The following MUC12 variants were observed in gnomAD, a reference collection of about 807,000 sequenced individuals.
MUC12 encodes the protein mucin 12, cell surface associated.
MUC12 carries 172 observed loss-of-function variants against 230.8 expected under a neutral mutation model. The ratio of observed to expected loss-of-function variants is 0.75; its 90% CI spans 0.66 to 0.85. The LOEUF (loss-of-function observed/expected upper bound fraction) is 0.85, where lower values mean the gene tolerates loss of function less well. Among genes scored for constraint, MUC12 ranks in the 40% least tolerant of loss-of-function variants. MUC12 has a pLI of 0.00. For synonymous variants in MUC12, 1,259 were observed against 2,401.9 expected, an observed-to-expected ratio of 0.52 and a Z score of 13.91; for missense variants, 3,506 against 5,920.6, an observed-to-expected ratio of 0.59 and a Z score of 13.38.
chr7:100,995,313 G>A lies in MUC12; in HGVS notation c.4750G>A (p.Gly1584Ser). The change falls in exon 2 of 12, where the codon GGC (glycine) becomes AGC (serine). Residue 1584 changes from glycine to serine, a missense_variant. By Grantham distance (56) the Gly-to-Ser change is moderately conservative. Coordinates refer to ENST00000536621, the MANE Select transcript of MUC12 (RefSeq NM_001164462.2). ...EESTTSHSRP[G>S]STHTTAFPGS... is the part of the protein sequence containing the mutation. ...ATCCACCACCTCCCACAGCCGACCA[G>A]GCTCAACGCACACAACAGCATTCCC... 6.5e-7 allele frequency: 1 copy of A among 1,529,038 alleles called. No homozygotes were observed. The highest frequency in any genetic ancestry group is 1.2e-5 in the South Asian group (1 of 83,536). The allele number at this position is 1,529,038 out of a possible 1,614,324, so 94.7% of individuals were successfully genotyped here.
At chr7:100,973,032 T>A (rs200896810) in intron 1 of MUC12, 2,365 of 614,502 alleles carry the variant, frequency 3.8e-3, no homozygotes, top group Middle Eastern at 0.035. Flanking sequence ...CTGGGGAGAG[T>A]GTGGTGGTGC....
chr7:101,003,472 C>A lies in MUC12; in HGVS notation c.12909C>A (p.Val4303=). The change falls in exon 2 of 12, where the codon GTC becomes GTA. Residue 4303 remains valine (V), a synonymous_variant. Transcript: ENST00000536621. ...GCCTCCTTGAAGCATCTACACCCGT[C>A]CACAGCAGCACTGGATCGCCACACA... ...ASGLLEASTP[V]HSSTGSPHTT... is the part of the protein sequence containing the mutation. 28 of 1,434,928 alleles carry A rather than the reference C, an allele frequency of 2.0e-5. 4 individuals carry two copies. The highest frequency in any genetic ancestry group is 2.5e-5 in the Non-Finnish European group (27 of 1,067,680). The allele number at this position is 1,434,928 out of a possible 1,614,324, so 88.9% of individuals were successfully genotyped here. A position where few individuals can be genotyped will look rare whatever the true frequency, so the allele number is the denominator to read the frequency against.
At position 100,995,910 on chromosome 7, in the gene MUC12, C is replaced by T. The variant is rs1338907342; in HGVS notation, c.5347C>T (p.His1783Tyr). ...HSSPGSTQTM[H>Y]FPESSTASGR... ...CAGCCCGGGCTCAACTCAAACAATGCACTTCCCTGAAAGCTCCACAGCTTC... is the reference window on the plus strand; with the variant it reads ...CAGCCCGGGCTCAACTCAAACAATGTACTTCCCTGAAAGCTCCACAGCTTC... The change falls in exon 2 of 12, where the codon CAC becomes TAC. Residue 1783 changes from histidine (H) to tyrosine (Y), a missense_variant. Transcript: ENST00000536621. 1.4e-5 allele frequency: 19 copies of T among 1,327,428 alleles called. No individual in the cohort carries two copies. The highest frequency in any genetic ancestry group is 1.8e-5 in the Non-Finnish European group (18 of 984,384). The allele number at this position is 1,327,428 out of a possible 1,614,324, so 82.2% of individuals were successfully genotyped here.
Position 100,969,627 on chromosome 7 carries a change from T to C in MUC12, c.5T>C (p.Leu2Pro). 1 of 1,537,438 alleles carries C rather than the reference T, an allele frequency of 6.5e-7. No homozygotes were observed. The change falls in exon 1 of 12, where the codon CTG becomes CCG. Residue 2 changes from leucine (L) to proline (P), a missense_variant. By Grantham distance (98) the Leu-to-Pro change is moderately conservative (BLOSUM62 -3). Coordinates refer to ENST00000536621, the MANE Select transcript of MUC12 (RefSeq NM_001164462.2). ...CAGGGGCCCGTTCCCCGGGAGATGCTGGTGATCTGGATTCTGACGCTGGCT... is the reference window on the plus strand; with the variant it reads ...CAGGGGCCCGTTCCCCGGGAGATGCCGGTGATCTGGATTCTGACGCTGGCT... The part of the protein sequence containing the change: M[L>P]VIWILTLALR...
chr7:101,011,718 C>A (rs2116356966), intron 5 of MUC12, among the ~76,000 whole-genome samples: 1 of 152,312 alleles, frequency 6.6e-6, no homozygotes, highest in Admixed American at 6.5e-5. Flanking sequence ...CACCGCACTT[C>A]CTGCCCTGTA....
chr7:100,991,399 A>C lies in MUC12; in HGVS notation c.836A>C (p.Gln279Pro). 2.6e-6 allele frequency: 4 copies of C among 1,537,824 alleles called. No homozygotes were observed. The highest frequency in any genetic ancestry group is 3.5e-6 in the Non-Finnish European group (4 of 1,147,038). ...CATGAGGGAGAACCTACCACCTTCC[A>C]GAGCTGGCCAAGCTCAAAGGACACT... Reference protein sequence around the residue: ...TTHEGEPTTFQSWPSSKDTSP... With the variant: ...TTHEGEPTTFPSWPSSKDTSP... Residue 279 changes from glutamine (Q) to proline (P), a missense_variant, in exon 2 of 12, where the codon CAG (glutamine) becomes CCG (proline). Coordinates refer to ENST00000536621, the MANE Select transcript of MUC12 (RefSeq NM_001164462.2).
chr7:101,018,248 C>T (rs1193940429), intron 11 of MUC12, among the ~76,000 whole-genome samples: 7 of 100,288 alleles, frequency 7.0e-5, no homozygotes, highest in African/African-American at 2.0e-4. Context: ...TCCCTTCCCC[C>T]GGGACTCCCT....
At chr7:101,009,878 G>T (rs1793814454) in intron 5 of MUC12, among the ~76,000 whole-genome samples, 1 of 152,212 alleles carries the variant, frequency 6.6e-6, no homozygotes, top group Non-Finnish European at 1.5e-5. Context: ...GATGGGGGAG[G>T]AGGCTGGAAA....
rs925387577 is a variant in MUC12, at chr7:101,005,364, C to T, written c.14801C>T (p.Thr4934Ile). 1.7e-5 allele frequency: 26 copies of T among 1,537,904 alleles called. 1 individual carries two copies. In the African/African-American group the frequency reaches 2.1e-4, roughly 12 times the overall value. The change falls in exon 2 of 12, where the codon ACA (threonine) becomes ATA (isoleucine). Residue 4934 changes from threonine to isoleucine, a missense_variant. Thr to Ile is a moderately conservative substitution (Grantham distance 89, BLOSUM62 -1). Transcript: ENST00000536621. ...GCCTCAGACCTTGTTGGAGAACCTA[C>T]AACTTTCTACATCAGCCCATCCCCT... is the stretch of plus-strand genomic sequence containing the variant. ...STASDLVGEPTTFYISPSPTY... is the reference protein window; with the variant it reads ...STASDLVGEPITFYISPSPTY...
rs376076144 is a variant in MUC12 at position 101,005,178 on chromosome 7, C to T, written c.14615C>T (p.Ser4872Phe). 4 of 1,537,696 alleles carry T rather than the reference C, an allele frequency of 2.6e-6. No individual in the cohort carries two copies. The South Asian group carries it at 3.6e-5, about 14-fold the overall frequency. ...TTAFSHSNTM[S>F]IHSQQSTPFP... ...GCGTTTTCTCACAGCAACACAATGT[C>T]CATTCATAGTCAACAATCTACACCC... The change falls in exon 2 of 12, where the codon TCC (serine) becomes TTC (phenylalanine). Residue 4872 changes from serine (S) to phenylalanine (F), a missense_variant. Transcript: ENST00000536621.
intron 1 of MUC12, among the ~76,000 whole-genome samples, chr7:100,982,894 G>A (rs925921153): frequency 5.3e-5 from 8 of 151,558 alleles, no homozygotes; most frequent in Non-Finnish European, 1.0e-4. Flanking sequence ...TACCACACTG[G>A]GCTAATATTT....
Position 100,977,736 on chromosome 7 carries a change from A to AT in MUC12, c.67+8056dup, listed in dbSNP as rs879314772. The stretch of plus-strand genomic sequence containing the variant: ...GATTATGAGACTGGCTAATTTTTGT[A>AT]TTTTTTTTTCTTGTAGAGACGGGGT... On this transcript the variant is annotated intron_variant, in intron 1 of 11. Coordinates refer to ENST00000536621, the MANE Select transcript of MUC12 (RefSeq NM_001164462.2). Among the ~76,000 whole-genome samples the AT allele has an allele frequency of 6.9e-3, 1,028 of 148,688 alleles. 3 individuals are homozygous for AT. The highest frequency in any genetic ancestry group is 9.9e-3 in the Non-Finnish European group (669 of 67,258).
At position 100,984,690 on chromosome 7, in the gene MUC12, C is replaced by T. The variant is rs976457792; in HGVS notation, c.68-5941C>T. 3.3e-4 allele frequency among the ~76,000 whole-genome samples: 50 copies of T among 152,156 alleles called. 1 individual carries two copies. The highest frequency in any genetic ancestry group is 2.1e-4 in the South Asian group (1 of 4,828). On this transcript the variant is annotated intron_variant, in intron 1 of 11. Transcript: ENST00000536621. ...CTTTGGCCTTTGTGTGCTTGCGCAT[C>T]GCCTCCATCTCATAATCTTAAGTCC...
At position 100,991,788 on chromosome 7, in the gene MUC12, C is replaced by T. The variant is rs1793316156; in HGVS notation, c.1225C>T (p.His409Tyr). Residue 409 changes from histidine (H) to tyrosine (Y), a missense_variant, in exon 2 of 12, where the codon CAT (histidine) becomes TAT (tyrosine). Coordinates refer to ENST00000536621, the MANE Select transcript of MUC12 (RefSeq NM_001164462.2). ...STPSTTAALA[H>Y]TSYHSSLGST... ...TCCTAGCACCACAGCTGCCCTAGCA[C>T]ATACAAGCTACCACAGCAGCCTGGG... 1 of 1,537,834 alleles carries T rather than the reference C, an allele frequency of 6.5e-7. No homozygotes were observed. The highest frequency in any genetic ancestry group is 2.0e-5 in the Admixed American group (1 of 50,992).
intron 1 of MUC12, among the ~76,000 whole-genome samples, chr7:100,971,305 A>G (rs1323769849): frequency 1.3e-5 from 2 of 152,304 alleles, no homozygotes; most frequent in Non-Finnish European, 2.9e-5. Context: ...CTCATACAGA[A>G]CAGACTTTCT....
intron 1 of MUC12, among the ~76,000 whole-genome samples, chr7:100,977,574 C>T (rs1793052260): frequency 6.6e-6 from 1 of 152,144 alleles, no homozygotes; most frequent in African/African-American, 2.4e-5. Context: ...CCATGTCGGT[C>T]AGGCTGGTCT....
At chr7:101,017,452 C>A in intron 10 of MUC12, 123 bp from the exon 11 acceptor site, 1 of 649,120 alleles carries the variant, frequency 1.5e-6, no homozygotes, top group Non-Finnish European at 2.6e-6. Flanking sequence ...GGGTGGTCGG[C>A]AGTGGGAAAG....
rs1792911773 is a variant in MUC12, at chr7:100,972,027, C to G, written c.67+2338C>G. ...ATCTATCTATGGCCAGTGCAGAGAGCAGAAGGGAGTGAGGCCAGGCAAGTA... is the reference window on the plus strand; with the variant it reads ...ATCTATCTATGGCCAGTGCAGAGAGGAGAAGGGAGTGAGGCCAGGCAAGTA... On this transcript the variant is annotated intron_variant, in intron 1 of 11. Transcript: ENST00000536621. The G allele has an allele frequency of 6.7e-5, 47 of 701,760 alleles. No homozygotes were observed. In the South Asian group the frequency reaches 7.0e-4, roughly 10 times the overall value. The allele number at this position is 701,760 out of a possible 1,614,324, so 43.5% of individuals were successfully genotyped here.
rs906463914 is a variant in MUC12, at chr7:101,004,529, A to G, written c.13966A>G (p.Thr4656Ala). The change falls in exon 2 of 12, where the codon ACC becomes GCC. Residue 4656 changes from threonine to alanine, a missense_variant. Transcript: ENST00000536621. ...CACATCTGCCCTTGTTGAAGAACCT[A>G]CCAGCTACCACAGCAGCCCGGGCTC... ...STTSALVEEPTSYHSSPGSIA... is the reference protein window; with the variant it reads ...STTSALVEEPASYHSSPGSIA... The G allele has an allele frequency of 2.0e-6, 3 of 1,536,078 alleles. No homozygotes were observed. Among genetic ancestry groups the G allele is most frequent in the African/African-American group, 2.8e-5 (2 of 72,448 alleles).
Sources: allele counts gnomAD v4.1 joint callset (sites outside exome capture counted in the v4.1 genomes callset), GRCh38; gene constraint gnomAD v4.1.1; transcripts MANE v1.5; gene names NCBI Gene and HGNC (gene_info 2026-07-23, HGNC 2026-07-21).